ADAM19: variants seen among roughly 807,000 people sequenced by gnomAD.
ADAM19 encodes the protein ADAM metallopeptidase domain 19, also known as disintegrin and metalloproteinase domain-containing protein 19.
In ADAM19, 65 loss-of-function variants were observed where a neutral mutation model predicts 114.7. The observed-to-expected ratio is 0.57, with a 90% CI of 0.46 to 0.70. The LOEUF is 0.70. ADAM19 is among the 30% of genes least tolerant of loss of function. The pLI is 0.00. For synonymous variants in ADAM19, 466 were observed against 460.5 expected, an observed-to-expected ratio of 1.01 and a Z score of -0.15; for missense variants, 1,063 against 1,204.7, an observed-to-expected ratio of 0.88 and a Z score of 1.74.
intron 21 of ADAM19, among the ~76,000 whole-genome samples, chr5:157,486,296 G>A (rs1754928470): frequency 6.6e-6 from 1 of 152,192 alleles, no homozygotes; most frequent in South Asian, 2.1e-4. Context: ...ATGGCTGTGA[G>A]GAGGCAGGTG....
At chr5:157,544,064 G>A (rs1756986016) in intron 3 of ADAM19, among the ~76,000 whole-genome samples, 1 of 152,188 alleles carries the variant, frequency 6.6e-6, no homozygotes, top group Non-Finnish European at 1.5e-5. Context: ...AGCCAAATAA[G>A]GGACTGATGA....
intron 8 of ADAM19, among the ~76,000 whole-genome samples, chr5:157,509,811 G>A (rs1755860178): frequency 6.6e-6 from 1 of 152,214 alleles, no homozygotes; most frequent in African/African-American, 2.4e-5. Context: ...TTTCAGATAT[G>A]AATAGGTCTA....
intron 11 of ADAM19, among the ~76,000 whole-genome samples, chr5:157,503,389 T>C (rs1233159543): frequency 6.6e-6 from 1 of 151,906 alleles, no homozygotes; most frequent in African/African-American, 2.4e-5. Flanking sequence ...ATATACCTAA[T>C]GTAAATGACG....
chr5:157,556,345 A>C (rs535716036), intron 3 of ADAM19, among the ~76,000 whole-genome samples: 2 of 149,594 alleles, frequency 1.3e-5, no homozygotes, highest in East Asian at 4.0e-4. Context: ...CAACCTCCCG[A>C]GTAGCTGGGA....
intron 21 of ADAM19, 22 bp downstream of exon 21, chr5:157,488,243 A>T: frequency 6.2e-7 from 1 of 1,604,610 alleles, no homozygotes. Flanking sequence ...TCCCAGCCCA[A>T]GGTTGCTGAT....
intron 9 of ADAM19, among the ~76,000 whole-genome samples, chr5:157,508,908 T>C (rs1755827169): frequency 6.6e-6 from 1 of 152,248 alleles, no homozygotes; most frequent in African/African-American, 2.4e-5. Flanking sequence ...CCCGCTCTCC[T>C]GTGCCTGTGT....
At chr5:157,550,583 C>T (rs142480423) in intron 3 of ADAM19, among the ~76,000 whole-genome samples, 24 of 151,624 alleles carry the variant, frequency 1.6e-4, no homozygotes, top group African/African-American at 5.6e-4. Context: ...CAGATTATGG[C>T]GATGGCTGCA....
At chr5:157,571,320 A>G (rs1757820692) in intron 1 of ADAM19, among the ~76,000 whole-genome samples, 1 of 152,214 alleles carries the variant, frequency 6.6e-6, no homozygotes, top group Non-Finnish European at 1.5e-5. Context: ...CATAGATGGC[A>G]TTTGAGTCCT....
intron 3 of ADAM19, among the ~76,000 whole-genome samples, chr5:157,542,885 T>C (rs999244652): frequency 6.6e-6 from 1 of 152,218 alleles, no homozygotes; most frequent in African/African-American, 2.4e-5. Flanking sequence ...CTCTGGACTT[T>C]ATGGGAAGAG....
At chr5:157,573,684 T>TGCAGTGAGCCCAGATCGTGCCACTG (rs1471474381) in intron 1 of ADAM19, among the ~76,000 whole-genome samples, 1 of 150,098 alleles carries the variant, frequency 6.7e-6, no homozygotes, top group Non-Finnish European at 1.5e-5. Context: ...AAGCAGAGAC[T>TGCAGTGAGCCCAGATCGTGCCACTG]GCAGTGAGCC....
intron 3 of ADAM19, among the ~76,000 whole-genome samples, chr5:157,551,682 T>C (rs966379842): frequency 2.6e-5 from 4 of 151,886 alleles, no homozygotes; most frequent in African/African-American, 9.7e-5. Flanking sequence ...TGACAAGGGC[T>C]TAATAACAAG....
intron 3 of ADAM19, among the ~76,000 whole-genome samples, chr5:157,541,649 A>C (rs1410604208): frequency 1.3e-5 from 2 of 152,190 alleles, no homozygotes; most frequent in Non-Finnish European, 2.9e-5. Context: ...AACCTGTACA[A>C]GCAGCCAGGC....
Position 157,485,152 on chromosome 5 carries a change from C to A in ADAM19, c.2550+3113G>T, listed in dbSNP as rs77834871. On this transcript the variant is annotated intron_variant, in intron 21 of 22. Coordinates refer to ENST00000257527, the MANE Select transcript of ADAM19 (RefSeq NM_033274.5). The stretch of plus-strand genomic sequence containing the variant: ...TTCAACTCGTTATCTATTTTCTCTT[C>A]TGCACATTTCTCATCAGCTTCACTT... Among the ~76,000 whole-genome samples, 113 of 152,370 alleles carry A rather than the reference C, an allele frequency of 7.4e-4. 1 individual carries two copies. The highest frequency in any genetic ancestry group is 2.5e-3 in the African/African-American group (106 of 41,586).
chr5:157,545,092 T>A (rs1581343994), intron 3 of ADAM19, among the ~76,000 whole-genome samples: 1 of 152,322 alleles, frequency 6.6e-6, no homozygotes. Context: ...TGTAGGTGCT[T>A]AGCCCTTTTT....
At position 157,491,739 on chromosome 5, in the gene ADAM19, G is replaced by C. The variant is rs748291556; in HGVS notation, c.1987-16C>G. On this transcript the variant is annotated splice_polypyrimidine_tract_variant and intron_variant, in intron 17 of 22. Transcript: ENST00000257527. Reference sequence around the variant, plus strand: ...TGTTACAGACCTGGAGCAAAGAAAGGGCAGAGGCATCAGCACCCCAGAGAG... The same window carrying C: ...TGTTACAGACCTGGAGCAAAGAAAGCGCAGAGGCATCAGCACCCCAGAGAG... The C allele has an allele frequency of 5.6e-6, 9 of 1,604,632 alleles. No homozygotes were observed. In the South Asian group the frequency reaches 7.8e-5, roughly 14 times the overall value.
chr5:157,494,691 T>C lies in ADAM19; in HGVS notation c.1699A>G (p.Met567Val). Residue 567 changes from methionine (M) to valine (V), a missense_variant, in exon 15 of 23, where the codon ATG becomes GTG. Physicochemically the swap from Met to Val is conservative, Grantham distance 21. Coordinates refer to ENST00000257527, the MANE Select transcript of ADAM19 (RefSeq NM_033274.5). Reference sequence around the variant, plus strand: ...GGCCTGCCCTTTGGTCATCACCTCATGTTGCACTTCCTGTGTTCACCATTC... The same window carrying C: ...GGCCTGCCCTTTGGTCATCACCTCACGTTGCACTTCCTGTGTTCACCATTC... ...DMNGEHRKCN[M>V]RDAKCGKIQC... 6.2e-7 allele frequency: 1 copy of C among 1,613,034 alleles called. No individual in the cohort carries two copies. Among genetic ancestry groups the C allele is most frequent in the Non-Finnish European group, 8.5e-7 (1 of 1,179,172 alleles).
chr5:157,481,094 A>C lies in ADAM19; in HGVS notation c.2704-92T>G, dbSNP rs1754731970. On this transcript the variant is annotated intron_variant, in intron 22 of 22. Coordinates refer to ENST00000257527, the MANE Select transcript of ADAM19 (RefSeq NM_033274.5). ...AGCCATCCTCCCGATTTTAGAAGGA[A>C]GGATGGACCACCCACTGAGAACAAA... The C allele has an allele frequency of 1.7e-5, 26 of 1,528,778 alleles. No individual in the cohort carries two copies. In the South Asian group the frequency reaches 2.8e-4, roughly 16 times the overall value. The allele number at this position is 1,528,778 out of a possible 1,614,324, so 94.7% of individuals were successfully genotyped here. A position where few individuals can be genotyped will look rare whatever the true frequency, so the allele number is the denominator to read the frequency against.
intron 2 of ADAM19, chr5:157,567,924 C>T (rs1165943215): frequency 6.6e-6 from 1 of 151,996 alleles, no homozygotes; most frequent in Non-Finnish European, 1.5e-5. Context: ...TGCCCCAAAT[C>T]AAAGCACTAT....
intron 4 of ADAM19, among the ~76,000 whole-genome samples, chr5:157,536,289 T>C (rs147137985): frequency 6.6e-5 from 10 of 152,282 alleles, no homozygotes; most frequent in Non-Finnish European, 1.0e-4. Flanking sequence ...AGGTCAGAAG[T>C]TCGAGACCAG....
Sources: gnomAD v4.1 joint callset for allele counts (sites outside exome capture counted in the v4.1 genomes callset) on GRCh38, gnomAD v4.1.1 for gene constraint, MANE v1.5 for transcripts, NCBI Gene and HGNC (gene_info 2026-07-23, HGNC 2026-07-21) for gene names.